DPYD: variants seen among roughly 807,000 people sequenced by gnomAD.
The protein encoded by DPYD is dihydropyrimidine dehydrogenase, also known as dihydropyrimidine dehydrogenase [NADP(+)].
A neutral mutation model predicts 116.2 loss-of-function variants in DPYD; 109 were observed. That is an observed-to-expected ratio of 0.94 (90% CI 0.80 to 1.10). The LOEUF is 1.10. Among genes scored for constraint, DPYD ranks in the 50% least tolerant of loss-of-function variants. The pLI is 0.00. For synonymous variants in DPYD, 440 were observed against 432.0 expected, an observed-to-expected ratio of 1.02 and a Z score of -0.23; for missense variants, 1,302 against 1,254.5, an observed-to-expected ratio of 1.04 and a Z score of -0.57.
At chr1:97,144,671 T>C (rs1277323441) in intron 20 of DPYD, among the ~76,000 whole-genome samples, 3 of 152,224 alleles carry the variant, frequency 2.0e-5, no homozygotes, top group African/African-American at 7.2e-5. Context: ...TGACTCCTTC[T>C]TTATACACAG....
At chr1:97,341,301 T>C (rs898533981) in intron 16 of DPYD, among the ~76,000 whole-genome samples, 13 of 152,178 alleles carry the variant, frequency 8.5e-5, no homozygotes, top group East Asian at 3.8e-4. Flanking sequence ...ATTGAATTCA[T>C]ACAAATACCT....
chr1:97,165,790 A>ATGTT (rs1656279347), intron 20 of DPYD, among the ~76,000 whole-genome samples: 3 of 152,228 alleles, frequency 2.0e-5, no homozygotes, highest in African/African-American at 7.2e-5. Context: ...AAAAGAAGAC[A>ATGTT]CACATGTGGC....
chr1:97,877,486 T>C (rs922663468), intron 2 of DPYD, among the ~76,000 whole-genome samples: 2 of 152,044 alleles, frequency 1.3e-5, no homozygotes, highest in African/African-American at 4.8e-5. Flanking sequence ...GTGACTTGCA[T>C]GCCTGAGTTT....
At chr1:97,779,436 CAAG>C (rs1557955139) in intron 3 of DPYD, among the ~76,000 whole-genome samples, 4 of 151,902 alleles carry the variant, frequency 2.6e-5, no homozygotes, top group Admixed American at 2.6e-4. Flanking sequence ...GTGAAATTTA[CAAG>C]AAGACAAAAT....
chr1:97,664,573 A>G (rs1281255720), intron 8 of DPYD, among the ~76,000 whole-genome samples: 1 of 152,054 alleles, frequency 6.6e-6, no homozygotes, highest in African/African-American at 2.4e-5. Flanking sequence ...TACCTTGGGT[A>G]TAAAAACTAT....
rs543775724 is a variant in DPYD, at chr1:97,490,373, ATAT to A, written c.1740+25350_1740+25352del. On this transcript the variant is annotated intron_variant, in intron 13 of 22. Coordinates refer to ENST00000370192, the MANE Select transcript of DPYD (RefSeq NM_000110.4). ...TACATAGTATATTATATTATCATAT[ATAT>A]TATTAACATATATATTACATATATT... 6.0e-3 allele frequency among the ~76,000 whole-genome samples: 893 copies of A among 148,056 alleles called. 16 individuals carry two copies. The highest frequency in any genetic ancestry group is 0.02 in the African/African-American group (810 of 40,846).
chr1:97,602,452 T>C (rs1655311876), intron 8 of DPYD, among the ~76,000 whole-genome samples: 1 of 151,932 alleles, frequency 6.6e-6, no homozygotes, highest in Admixed American at 6.6e-5. Flanking sequence ...GAAGTACAAG[T>C]ACACATATGA....
chr1:97,641,709 T>TCAC (rs1657915856), intron 8 of DPYD, among the ~76,000 whole-genome samples: 2 of 152,280 alleles, frequency 1.3e-5, no homozygotes, highest in East Asian at 3.9e-4. Context: ...ATGCCCTCTC[T>TCAC]CACCACTCCT....
intron 14 of DPYD, among the ~76,000 whole-genome samples, chr1:97,435,731 T>C (rs151235983): frequency 2.8e-3 from 433 of 152,048 alleles, no homozygotes; most frequent in African/African-American, 0.01. Context: ...CAAGTAAATA[T>C]CTTAGAAGAC....
rs1397871093 is a variant in DPYD at position 97,362,508 on chromosome 1, A to C, written c.2058+11053T>G. Among the ~76,000 whole-genome samples, 35 of 152,154 alleles carry C rather than the reference A, an allele frequency of 2.3e-4. 2 individuals carry two copies. The highest frequency in any genetic ancestry group is 2.2e-3 in the Admixed American group (33 of 15,278). ...CCACATAGGTAAGACAATCCTAAGC[A>C]AAAAGAACAAAGCTGGAGGCATCAC... On this transcript the variant is annotated intron_variant, in intron 16 of 22. Transcript: ENST00000370192.
At chr1:97,485,926 A>T (rs1557745388) in intron 13 of DPYD, among the ~76,000 whole-genome samples, 1 of 152,198 alleles carries the variant, frequency 6.6e-6, no homozygotes, top group Non-Finnish European at 1.5e-5. Context: ...AGTTTTAAAA[A>T]ATTGATATTG....
At chr1:97,082,973 A>T (rs1437679642) in intron 21 of DPYD, among the ~76,000 whole-genome samples, 1 of 152,120 alleles carries the variant, frequency 6.6e-6, no homozygotes, top group East Asian at 1.9e-4. Flanking sequence ...GTGATAGAAT[A>T]CTCACCTGTC....
At chr1:97,902,172 C>A (rs541929478) in intron 1 of DPYD, among the ~76,000 whole-genome samples, 33 of 151,788 alleles carry the variant, frequency 2.2e-4, no homozygotes, top group Admixed American at 7.9e-4. Context: ...GTAAGAGCCA[C>A]AAGGGACCTC....
chr1:97,285,775 C>T (rs1254416292), intron 18 of DPYD, among the ~76,000 whole-genome samples: 1 of 151,634 alleles, frequency 6.6e-6, no homozygotes, highest in East Asian at 1.9e-4. Context: ...CCTTTGCCTC[C>T]TAGGCTCAGG....
At chr1:97,718,845 C>T (rs1369669651) in intron 5 of DPYD, among the ~76,000 whole-genome samples, 3 of 151,032 alleles carry the variant, frequency 2.0e-5, no homozygotes, top group Non-Finnish European at 4.4e-5. Flanking sequence ...TTCAAAATTC[C>T]AATAAATACA....
At chr1:97,887,553 A>C (rs1672567517) in intron 1 of DPYD, among the ~76,000 whole-genome samples, 1 of 150,688 alleles carries the variant, frequency 6.6e-6, no homozygotes, top group Admixed American at 6.7e-5. Context: ...AGTGTCCGGC[A>C]AGAATAGCTA....
At chr1:97,251,749 A>G (rs1364317062) in intron 18 of DPYD, among the ~76,000 whole-genome samples, 4 of 152,188 alleles carry the variant, frequency 2.6e-5, no homozygotes, top group Non-Finnish European at 5.9e-5. Context: ...AAAGACAGGT[A>G]TTACGGCTAG....
In DPYD at chr1:97,186,978, C is replaced by G. The variant is rs185266131; in HGVS notation, c.2622+6091G>C. On this transcript the variant is annotated intron_variant, in intron 20 of 22. Transcript: ENST00000370192. ...TAGTATTCTACATTTTCTTTATTATCTGTCAAAGTACATTTAGCTTTATTC... is the reference window on the plus strand; with the variant it reads ...TAGTATTCTACATTTTCTTTATTATGTGTCAAAGTACATTTAGCTTTATTC... Among the ~76,000 whole-genome samples the G allele has an allele frequency of 2.2e-4, 33 of 152,190 alleles. 1 individual carries two copies. The highest frequency in any genetic ancestry group is 7.9e-4 in the African/African-American group (33 of 41,528).
At chr1:97,444,142 G>A (rs1675948013) in intron 14 of DPYD, among the ~76,000 whole-genome samples, 1 of 152,114 alleles carries the variant, frequency 6.6e-6, no homozygotes, top group South Asian at 2.1e-4. Context: ...AACAATGCTT[G>A]GCTGATAACA....
Sources: allele counts gnomAD v4.1 joint callset (sites outside exome capture counted in the v4.1 genomes callset), GRCh38; gene constraint gnomAD v4.1.1; transcripts MANE v1.5; gene names NCBI Gene and HGNC (gene_info 2026-07-23, HGNC 2026-07-21).